Variants in PCDHA4 observed in about 807,000 individuals in gnomAD.
PCDHA4 encodes protocadherin alpha-4.
Under a neutral mutation model 61.4 loss-of-function variants are expected in PCDHA4, and 49 were observed. That is an observed-to-expected ratio of 0.80 (90% confidence interval 0.63 to 1.01). PCDHA4 has a LOEUF of 1.01. Among genes scored for constraint, PCDHA4 ranks in the 50% least tolerant of loss-of-function variants. The probability of loss-of-function intolerance (pLI) is 0.00; values close to 1 mark genes in which losing one functional copy is unlikely to be tolerated. For missense variants in PCDHA4, 1,254 were observed against 1,235.8 expected, an observed-to-expected ratio of 1.01 and a Z score of -0.22; for synonymous variants, 590 against 550.3, an observed-to-expected ratio of 1.07 and a Z score of -1.01.
In PCDHA4 at chr5:140,922,940, G is replaced by A. The variant is rs138846807; in HGVS notation, c.2386-56009G>A. 4.7e-3 allele frequency among the ~76,000 whole-genome samples: 717 copies of A among 152,280 alleles called. 4 individuals carry two copies. Among genetic ancestry groups the A allele is most frequent in the Middle Eastern group, 0.021 (6 of 292 alleles). On this transcript the variant is annotated intron_variant, in intron 1 of 3. Coordinates refer to ENST00000530339, the MANE Select transcript of PCDHA4 (RefSeq NM_018907.4). Reference sequence around the variant, plus strand: ...ACTTCAGACTTTTACTTCCAGCAATGGAAATCCAGTTTGTCTTCAGCCAGT... The same window carrying A: ...ACTTCAGACTTTTACTTCCAGCAATAGAAATCCAGTTTGTCTTCAGCCAGT...
chr5:140,907,479 G>A (rs782466276), intron 1 of PCDHA4, among the ~76,000 whole-genome samples: 1 of 152,216 alleles, frequency 6.6e-6, no homozygotes, highest in Non-Finnish European at 1.5e-5. Context: ...TGCAGGATAG[G>A]CAAACCCATA....
At chr5:140,851,299 T>C (rs2042017269) in intron 1 of PCDHA4, 2 of 1,019,562 alleles carry the variant, frequency 2.0e-6, no homozygotes, top group East Asian at 1.2e-4. Flanking sequence ...AGCAAAAATA[T>C]ATAGCAATTG....
At chr5:140,869,729 A>G (rs1554163384) in intron 1 of PCDHA4, 3 of 1,613,398 alleles carry the variant, frequency 1.9e-6, no homozygotes, top group Admixed American at 3.3e-5. Flanking sequence ...CCGGAACTTA[A>G]TTTGCTGCTA....
chr5:141,010,136 CTCTT>C lies in PCDHA4; in HGVS notation c.*203_*206del, dbSNP rs782073868. The C allele has an allele frequency of 1.9e-6, 3 of 1,594,824 alleles. No homozygotes were observed. Among genetic ancestry groups the C allele is most frequent in the Non-Finnish European group, 2.6e-6 (3 of 1,169,724 alleles). On this transcript the variant is annotated 3_prime_UTR_variant, in exon 4 of 4. Transcript: ENST00000530339. ...AAAGCTTTACTAAGTCTGGTGTTAACTCTTTCTCTCCACTCTGGCTTGTTTTCAG... is the reference window on the plus strand; with the variant it reads ...AAAGCTTTACTAAGTCTGGTGTTAACTCTCTCCACTCTGGCTTGTTTTCAG...
chr5:140,808,424 C>T lies in PCDHA4; in HGVS notation c.1237C>T (p.Leu413=), dbSNP rs1554124532. The T allele has an allele frequency of 6.2e-7, 1 of 1,614,174 alleles. No individual in the cohort carries two copies. Among genetic ancestry groups the T allele is most frequent in the Admixed American group, 1.7e-5 (1 of 60,036 alleles). The change falls in exon 1 of 4, where the codon CTG becomes TTG. Residue 413 remains leucine (L), a synonymous_variant. Coordinates refer to ENST00000530339, the MANE Select transcript of PCDHA4 (RefSeq NM_018907.4). ...NYYSLVLDSA[L]DRESVSAYEL... Reference sequence around the variant, plus strand: ...CTACTCGTTGGTGCTGGACAGTGCCCTGGACCGCGAGAGCGTGTCAGCCTA... The same window carrying T: ...CTACTCGTTGGTGCTGGACAGTGCCTTGGACCGCGAGAGCGTGTCAGCCTA...
At chr5:140,997,697 T>C (rs2153948518) in intron 3 of PCDHA4, among the ~76,000 whole-genome samples, 1 of 151,394 alleles carries the variant, frequency 6.6e-6, no homozygotes. Flanking sequence ...TGTGTGTGTG[T>C]ATGTTAACAA....
chr5:140,818,593 T>C, intron 1 of PCDHA4, among the ~76,000 whole-genome samples: 1 of 152,100 alleles, frequency 6.6e-6, no homozygotes, highest in South Asian at 2.1e-4. Flanking sequence ...TCCCAACACC[T>C]GTGTGGGCCA....
rs2150258870 is a variant in PCDHA4, at chr5:140,836,371, C to G, written c.2385+26799C>G. On this transcript the variant is annotated intron_variant, in intron 1 of 3. Transcript: ENST00000530339. Reference sequence around the variant, plus strand: ...GGGGAGCCCTCGCTGACAGCCACAGCCACCGTGCTGGTGTCGCTGGTGGAA... The same window carrying G: ...GGGGAGCCCTCGCTGACAGCCACAGGCACCGTGCTGGTGTCGCTGGTGGAA... The G allele has an allele frequency of 3.1e-3, 4,936 of 1,613,708 alleles. 180 individuals are homozygous for G. The African/African-American group carries it at 0.055, about 18-fold the overall frequency.
rs559892183 is a variant in PCDHA4, at chr5:140,808,469, C to T, written c.1282C>T (p.Arg428Ter). ...VSAYELVVTA[R>*]DGGSPSLWAT... ...AGCCTATGAGCTGGTGGTGACCGCG[C>T]GAGACGGGGGCTCGCCTTCGCTGTG... Residue 428 changes from arginine to a stop codon, truncating the protein, a stop_gained, in exon 1 of 4, where the codon CGA becomes TGA. Transcript: ENST00000530339. LOFTEE classifies it high-confidence loss of function. 180 of 1,614,168 alleles carry T rather than the reference C, an allele frequency of 1.1e-4. No individual in the cohort carries two copies. In the East Asian group the frequency reaches 4.0e-3, roughly 36 times the overall value.
At chr5:140,862,748 C>T in intron 1 of PCDHA4, 1 of 577,560 alleles carries the variant, frequency 1.7e-6, no homozygotes, top group Non-Finnish European at 3.3e-6. Flanking sequence ...TGGGTGCACG[C>T]GGAGAGCGGC....
chr5:140,976,685 T>TTGC (rs1279936534), intron 1 of PCDHA4, among the ~76,000 whole-genome samples: 2 of 152,238 alleles, frequency 1.3e-5, no homozygotes, highest in East Asian at 3.8e-4. Flanking sequence ...TTTTGCAATT[T>TTGC]AAGTACAATA....
chr5:140,884,497 C>T, intron 1 of PCDHA4: 1 of 1,614,042 alleles, frequency 6.2e-7, no homozygotes, highest in Non-Finnish European at 8.5e-7. Flanking sequence ...TGTGCTCCAG[C>T]GCGGCAGGGA....
At position 140,871,031 on chromosome 5, in the gene PCDHA4, G is replaced by A. The variant is rs543880939; in HGVS notation, c.2385+61459G>A. ...GCCCTGGACGAGGCAGACTCGCCGC[G>A]CCACCGACTTCTAGTACTGGTGAAG... is the stretch of plus-strand genomic sequence containing the variant. On this transcript the variant is annotated intron_variant, in intron 1 of 3. Coordinates refer to ENST00000530339, the MANE Select transcript of PCDHA4 (RefSeq NM_018907.4). 3.2e-5 allele frequency: 52 copies of A among 1,613,210 alleles called. 1 individual carries two copies. In the South Asian group the frequency reaches 4.7e-4, roughly 15 times the overall value.
chr5:140,835,734 A>T lies in PCDHA4; in HGVS notation c.2385+26162A>T, dbSNP rs1554135223. 1.9e-6 allele frequency: 3 copies of T among 1,613,614 alleles called. No individual in the cohort carries two copies. In the African/African-American group the frequency reaches 4.0e-5, roughly 22 times the overall value. On this transcript the variant is annotated intron_variant, in intron 1 of 3. Coordinates refer to ENST00000530339, the MANE Select transcript of PCDHA4 (RefSeq NM_018907.4). ...CGTGGAGGTGGCCGACGTGAACGAC[A>T]ACGCCCCGGCGTTCGCGCAGCCCGA... is the stretch of plus-strand genomic sequence containing the variant.
chr5:140,876,708 C>T, intron 1 of PCDHA4: 7 of 1,614,220 alleles, frequency 4.3e-6, no homozygotes, highest in African/African-American at 1.3e-5. Context: ...TGGACAGCGC[C>T]CTGGACCGCG....
chr5:140,947,580 A>G (rs1031254382), intron 1 of PCDHA4, among the ~76,000 whole-genome samples: 2 of 151,664 alleles, frequency 1.3e-5, no homozygotes, highest in Non-Finnish European at 3.0e-5. Context: ...TGTTTTTAAC[A>G]TTTAGATCAA....
chr5:140,949,260 T>A (rs1292112980), intron 1 of PCDHA4, among the ~76,000 whole-genome samples: 1 of 151,804 alleles, frequency 6.6e-6, no homozygotes, highest in African/African-American at 2.4e-5. Flanking sequence ...GATGAACATA[T>A]CACGTGCACT....
At chr5:140,836,625 T>C in intron 1 of PCDHA4, 1 of 1,613,558 alleles carries the variant, frequency 6.2e-7, no homozygotes, top group Non-Finnish European at 8.5e-7. Flanking sequence ...GGTGGGGAGC[T>C]GGTCATTCTC....
chr5:140,869,428 A>T, intron 1 of PCDHA4: 1 of 1,614,214 alleles, frequency 6.2e-7, no homozygotes, highest in Non-Finnish European at 8.5e-7. Context: ...CCTGGAGGTG[A>T]TCGTGGACAG....
Sources: allele counts gnomAD v4.1 joint callset (sites outside exome capture counted in the v4.1 genomes callset), GRCh38; gene constraint gnomAD v4.1.1; transcripts MANE v1.5; gene names NCBI Gene and HGNC (gene_info 2026-07-23, HGNC 2026-07-21).